NDUFA10: variants seen among roughly 807,000 people sequenced by gnomAD.
NDUFA10 encodes the protein NADH:ubiquinone oxidoreductase subunit A10, also known as NADH dehydrogenase [ubiquinone] 1 alpha subcomplex subunit 10, mitochondrial.
Under a neutral mutation model 47.8 loss-of-function variants are expected in NDUFA10, and 40 were observed. The ratio of observed to expected loss-of-function variants is 0.84; its 90% confidence interval spans 0.65 to 1.09. The LOEUF is 1.09. NDUFA10 is among the 50% of genes least tolerant of loss of function. The pLI is 0.00. For synonymous variants in NDUFA10, 183 were observed against 172.2 expected (o/e 1.06, Z -0.49); for missense variants, 413 against 451.1 (o/e 0.92, Z 0.76).
intron 3 of NDUFA10, among the ~76,000 whole-genome samples, chr2:240,020,171 G>A (rs548640257): frequency 7.9e-5 from 12 of 152,350 alleles, no homozygotes; most frequent in African/African-American, 2.9e-4. Flanking sequence ...AAGCCTGTGA[G>A]CCGGCCACTC....
chr2:239,995,947 T>C (rs1412260018), intron 8 of NDUFA10, among the ~76,000 whole-genome samples: 1 of 152,014 alleles, frequency 6.6e-6, no homozygotes, highest in Non-Finnish European at 1.5e-5. Flanking sequence ...ATGCAAAAAC[T>C]AATAGAACCC....
chr2:239,930,224 C>T (rs1198417864), intron 4 of NDUFA10, among the ~76,000 whole-genome samples: 5 of 133,768 alleles, frequency 3.7e-5, no homozygotes, highest in Admixed American at 7.3e-5. Flanking sequence ...TGCTCCTCAG[C>T]CAGCCCTGCT....
chr2:239,947,016 G>A (rs1208414002), intron 4 of NDUFA10, among the ~76,000 whole-genome samples: 1 of 152,236 alleles, frequency 6.6e-6, no homozygotes, highest in African/African-American at 2.4e-5. Flanking sequence ...CCAGCCCATG[G>A]TGGTGGGTGC....
chr2:239,920,797 G>C lies in NDUFA10; in HGVS notation c.295-25483C>G, dbSNP rs370738499. On this transcript the variant is annotated intron_variant, in intron 4 of 5. Coordinates refer to the NDUFA10 transcript ENST00000419408. ...ATCAGCCCCAGCCACACCTGCTATT[G>C]AAAGAAAGCCTGGCAGATGCAGATG... 1.2e-4 allele frequency among the ~76,000 whole-genome samples: 18 copies of C among 152,150 alleles called. 2 individuals carry two copies. The highest frequency in any genetic ancestry group is 7.2e-4 in the Admixed American group (11 of 15,286).
chr2:239,974,280 C>A (rs1178057910), intron 9 of NDUFA10, among the ~76,000 whole-genome samples: 3 of 152,200 alleles, frequency 2.0e-5, no homozygotes, highest in Admixed American at 1.3e-4. Flanking sequence ...AGTGCCCTAG[C>A]GCTGGGTGTC....
chr2:240,008,490 G>T (rs1031537509), intron 6 of NDUFA10, among the ~76,000 whole-genome samples: 15 of 152,318 alleles, frequency 9.8e-5, no homozygotes, highest in Middle Eastern at 3.4e-3. Context: ...GGCACAAAGT[G>T]ACAAAGGAGA....
rs80067639 is a variant in NDUFA10, at chr2:239,959,240, G to A, written c.*1878C>T. On this transcript the variant is annotated 3_prime_UTR_variant, in exon 10 of 10. Coordinates refer to ENST00000252711, the MANE Select transcript of NDUFA10 (RefSeq NM_004544.4). ...AGAGCACCCGAGTCCACACCATGCCGACACGGAGCCCTGCATGGTTGGAGA... is the reference window on the plus strand; with the variant it reads ...AGAGCACCCGAGTCCACACCATGCCAACACGGAGCCCTGCATGGTTGGAGA... 2,264 of 985,404 alleles carry A rather than the reference G, an allele frequency of 2.3e-3. 43 individuals carry two copies. The African/African-American group carries it at 0.035, about 15-fold the overall frequency. The allele number at this position is 985,404 out of a possible 1,614,324, so 61.0% of individuals were successfully genotyped here.
chr2:239,969,692 T>C (rs778174767), intron 9 of NDUFA10: 2 of 471,458 alleles, frequency 4.2e-6, no homozygotes, highest in African/African-American at 2.0e-5. Flanking sequence ...CTCTCCCCGA[T>C]CCTTCAAAGG....
chr2:239,913,744 C>G (rs778997751), intron 4 of NDUFA10, among the ~76,000 whole-genome samples: 12 of 152,346 alleles, frequency 7.9e-5, no homozygotes, highest in Non-Finnish European at 1.2e-4. Context: ...CTGCAGAGTC[C>G]CTGAGCTCAA....
At chr2:239,967,473 C>T (rs1695125214) in intron 9 of NDUFA10, among the ~76,000 whole-genome samples, 1 of 152,192 alleles carries the variant, frequency 6.6e-6, no homozygotes, top group Non-Finnish European at 1.5e-5. Flanking sequence ...GAGCTGGGAA[C>T]CTTTACTCTC....
chr2:239,956,592 G>A (rs2106387570), downstream of NDUFA10, among the ~76,000 whole-genome samples: 1 of 152,350 alleles, frequency 6.6e-6, no homozygotes, highest in African/African-American at 2.4e-5. Flanking sequence ...CCAGTGCTAA[G>A]CACCAAGCTC....
intron 4 of NDUFA10, among the ~76,000 whole-genome samples, chr2:239,902,998 G>A (rs1443076944): frequency 6.6e-6 from 1 of 152,168 alleles, no homozygotes; most frequent in Non-Finnish European, 1.5e-5. Flanking sequence ...ACCCTTTCAG[G>A]TCAGACACGT....
Position 239,912,920 on chromosome 2 carries a change from T to C in NDUFA10, c.295-17606A>G, listed in dbSNP as rs1323642144. 7.2e-5 allele frequency among the ~76,000 whole-genome samples: 11 copies of C among 152,354 alleles called. No individual in the cohort carries two copies. In the East Asian group the frequency reaches 2.1e-3, roughly 29 times the overall value. ...TCCGATTCCCGAGTCTTTCCAAGCC[T>C]TGGTCCAGCCAGCCAAGCTGTTCCC... is the stretch of plus-strand genomic sequence containing the variant. On this transcript the variant is annotated intron_variant, in intron 4 of 5. Transcript: ENST00000419408.
Position 239,906,097 on chromosome 2 carries a change from A to G in NDUFA10, c.295-10783T>C, listed in dbSNP as rs1693650442. ...AGGGGACCTTGAAGCAGCCCTGGCC[A>G]CAGATGTGTGCTGAGCTCATGACCT... On this transcript the variant is annotated intron_variant, in intron 4 of 5. Coordinates refer to the NDUFA10 transcript ENST00000419408. The surrounding 1 kb of genome is among the most constrained non-coding windows in gnomAD (Gnocchi z 4.3). Among the ~76,000 whole-genome samples the G allele has an allele frequency of 6.6e-6, 1 of 152,110 alleles. No homozygotes were observed. The highest frequency in any genetic ancestry group is 2.4e-5 in the African/African-American group (1 of 41,416).
In NDUFA10 at chr2:239,987,316, C is replaced by A. The variant is rs1006270297; in HGVS notation, c.999+2758G>T. Among the ~76,000 whole-genome samples the A allele has an allele frequency of 1.3e-5, 2 of 152,006 alleles. No individual in the cohort carries two copies. Among genetic ancestry groups the A allele is most frequent in the African/African-American group, 4.8e-5 (2 of 41,376 alleles). ...TTCAAGCCACGATTCTCAAACCAGG[C>A]GCTGTGCATCGACAGGAGGACTCGC... On this transcript the variant is annotated intron_variant, in intron 9 of 9. Coordinates refer to ENST00000252711, the MANE Select transcript of NDUFA10 (RefSeq NM_004544.4). This position sits in a 1 kb window ranked among gnomAD's most constrained non-coding sequence, Gnocchi z 4.8.
At chr2:239,905,873 G>C (rs1693646513) in intron 4 of NDUFA10, among the ~76,000 whole-genome samples, 1 of 147,842 alleles carries the variant, frequency 6.8e-6, no homozygotes, top group Non-Finnish European at 1.5e-5. Flanking sequence ...AGCAGCCTGG[G>C]AGGGGACAGG....
chr2:239,925,217 A>G (rs1177172279), intron 4 of NDUFA10, among the ~76,000 whole-genome samples: 2 of 152,224 alleles, frequency 1.3e-5, no homozygotes, highest in Non-Finnish European at 2.9e-5. Flanking sequence ...AGGAAAATAA[A>G]CTAGACTAGC....
intron 8 of NDUFA10, among the ~76,000 whole-genome samples, chr2:240,002,889 G>A (rs185369473): frequency 2.0e-5 from 3 of 152,050 alleles, no homozygotes; most frequent in East Asian, 1.9e-4. Context: ...AGTCTCTGTC[G>A]CCCAAGCTGG....
At chr2:239,949,779 A>C (rs1049737253) in intron 4 of NDUFA10, among the ~76,000 whole-genome samples, 1 of 152,144 alleles carries the variant, frequency 6.6e-6, no homozygotes, top group Admixed American at 6.5e-5. Flanking sequence ...ACCATACCTG[A>C]CACTGGCCTG....
Sources: gnomAD v4.1 joint callset for allele counts (sites outside exome capture counted in the v4.1 genomes callset) on GRCh38, gnomAD v4.1.1 for gene constraint, Gnocchi (gnomAD v3.1) non-coding constraint, MANE v1.5 for transcripts, NCBI Gene and HGNC (gene_info 2026-07-23, HGNC 2026-07-21) for gene names.